The following PKN2 variants were observed in gnomAD, a reference collection of about 807,000 sequenced individuals.
PKN2 encodes protein kinase N2.
Under a neutral mutation model 119.1 loss-of-function variants are expected in PKN2, and 38 were observed. The observed-to-expected ratio is 0.32, with a 90% CI of 0.25 to 0.42. The LOEUF (loss-of-function observed/expected upper bound fraction) is 0.42, where lower values mean the gene tolerates loss of function less well. Ranked by LOEUF, PKN2 falls within the 10% of genes least tolerant of loss-of-function variation. The pLI is 1.00. For synonymous variants in PKN2, 390 were observed against 384.9 expected, an observed-to-expected ratio of 1.01 and a Z score of -0.15; for missense variants, 850 against 1,165.1, an observed-to-expected ratio of 0.73 and a Z score of 3.94.
intron 2 of PKN2, among the ~76,000 whole-genome samples, chr1:88,744,281 A>G (rs1668682965): frequency 6.6e-6 from 1 of 152,210 alleles, no homozygotes; most frequent in African/African-American, 2.4e-5. Flanking sequence ...GAGTGGATTT[A>G]TAACAGAAGT....
intron 1 of PKN2, among the ~76,000 whole-genome samples, chr1:88,718,944 T>C (rs1001692254): frequency 6.6e-6 from 1 of 152,236 alleles, no homozygotes; most frequent in Non-Finnish European, 1.5e-5. Context: ...TTTTGTTGAA[T>C]GAAACCTTCT....
chr1:88,719,970 C>T (rs1667603860), intron 1 of PKN2, among the ~76,000 whole-genome samples: 1 of 152,080 alleles, frequency 6.6e-6, no homozygotes, highest in African/African-American at 2.4e-5. Flanking sequence ...TGCCAAAATT[C>T]ACACAAGTAG....
chr1:88,827,905 T>C lies in PKN2; in HGVS notation c.2420-576T>C, dbSNP rs556904505. On this transcript the variant is annotated intron_variant, in intron 18 of 21. Transcript: ENST00000370521. ...CGGCTAATTTTTGTTTTTGTTTTTTTTGTAGAGACGGGTTTCATCATGTTG... is the reference window on the plus strand; with the variant it reads ...CGGCTAATTTTTGTTTTTGTTTTTTCTGTAGAGACGGGTTTCATCATGTTG... 1.4e-4 allele frequency among the ~76,000 whole-genome samples: 22 copies of C among 151,812 alleles called. No homozygotes were observed. The South Asian group carries it at 4.6e-3, about 32-fold the overall frequency.
chr1:88,748,868 G>C (rs1281453248), intron 2 of PKN2, among the ~76,000 whole-genome samples: 2 of 152,134 alleles, frequency 1.3e-5, no homozygotes, highest in African/African-American at 4.8e-5. Context: ...CTGAGAGTTT[G>C]AGGCTACATT....
chr1:88,804,149 A>G (rs1257488556), intron 8 of PKN2, among the ~76,000 whole-genome samples: 2 of 152,172 alleles, frequency 1.3e-5, no homozygotes, highest in Admixed American at 1.3e-4. Context: ...AGTATACTTT[A>G]GGAATACCTT....
At chr1:88,731,693 C>G (rs370233689) in intron 1 of PKN2, among the ~76,000 whole-genome samples, 1 of 152,308 alleles carries the variant, frequency 6.6e-6, no homozygotes, top group South Asian at 2.1e-4. Context: ...TTCTTGGCAT[C>G]TATCAGGTCA....
At chr1:88,694,913 A>G (rs1011810846) in intron 1 of PKN2, among the ~76,000 whole-genome samples, 8 of 152,188 alleles carry the variant, frequency 5.3e-5, no homozygotes, top group African/African-American at 1.9e-4. Context: ...CAAGGCGGGC[A>G]GATCATGAGG....
chr1:88,827,197 C>T (rs764062209), intron 18 of PKN2, among the ~76,000 whole-genome samples: 38 of 152,032 alleles, frequency 2.5e-4, no homozygotes, highest in South Asian at 6.2e-4. Flanking sequence ...AATATGTAGA[C>T]TATATATTTG....
chr1:88,816,641 G>A (rs1672007704), intron 16 of PKN2: 1 of 152,200 alleles, frequency 6.6e-6, no homozygotes, highest in Non-Finnish European at 1.5e-5. Context: ...GTATAATTAA[G>A]TAAGTATTTC....
At position 88,728,601 on chromosome 1, in the gene PKN2, T is replaced by C. The variant is rs1001499012; in HGVS notation, c.49-12387T>C. ...AGATAACCATATAACTACTGTACTTTCGTTGATAAAGTTGTTTCCCATGGG... is the reference window on the plus strand; with the variant it reads ...AGATAACCATATAACTACTGTACTTCCGTTGATAAAGTTGTTTCCCATGGG... On this transcript the variant is annotated intron_variant, in intron 1 of 21. Transcript: ENST00000370521. 3.3e-5 allele frequency among the ~76,000 whole-genome samples: 5 copies of C among 152,294 alleles called. No homozygotes were observed. In the South Asian group the frequency reaches 8.3e-4, roughly 25 times the overall value.
chr1:88,820,202 A>G (rs1421017374), intron 16 of PKN2, among the ~76,000 whole-genome samples: 1 of 79,706 alleles, frequency 1.3e-5, no homozygotes, highest in South Asian at 4.8e-4. Flanking sequence ...ATATATATAT[A>G]TATATATATA....
intron 1 of PKN2, 91 bp from the exon 2 acceptor site, chr1:88,740,897 A>G (rs769895233): frequency 4.9e-5 from 37 of 751,786 alleles, no homozygotes; most frequent in Admixed American, 8.5e-5. Flanking sequence ...AATGTAATCA[A>G]GAAAGACTCT....
intron 1 of PKN2, among the ~76,000 whole-genome samples, chr1:88,688,660 T>C (rs1304499771): frequency 6.6e-6 from 1 of 152,206 alleles, no homozygotes; most frequent in Non-Finnish European, 1.5e-5. Context: ...GTTTCTTCAT[T>C]AAGAATTACT....
At chr1:88,704,791 A>AG (rs1666910304) in intron 1 of PKN2, among the ~76,000 whole-genome samples, 1 of 147,974 alleles carries the variant, frequency 6.8e-6, no homozygotes, top group Admixed American at 6.6e-5. Flanking sequence ...AAAAAAAAAA[A>AG]AAAAAAAAAG....
intron 1 of PKN2, among the ~76,000 whole-genome samples, chr1:88,727,171 C>T (rs541894017): frequency 2.3e-4 from 34 of 148,660 alleles, no homozygotes; most frequent in Admixed American, 4.0e-4. Flanking sequence ...TTTTTAATGA[C>T]GCTCTTTTTT....
chr1:88,712,047 A>G (rs544688488), intron 1 of PKN2, among the ~76,000 whole-genome samples: 2 of 152,276 alleles, frequency 1.3e-5, no homozygotes, highest in African/African-American at 4.8e-5. Flanking sequence ...TAAGGTGAAT[A>G]AACTTTAGTG....
intron 1 of PKN2, among the ~76,000 whole-genome samples, chr1:88,689,993 AACTTTCCAAAT>A (rs1350281911): frequency 6.6e-6 from 1 of 152,254 alleles, no homozygotes; most frequent in Non-Finnish European, 1.5e-5. Flanking sequence ...CATACTAAAT[AACTTTCCAAAT>A]ATTTCTTGAC....
chr1:88,752,045 T>C (rs1371123131), intron 2 of PKN2, among the ~76,000 whole-genome samples: 3 of 152,162 alleles, frequency 2.0e-5, no homozygotes, highest in Non-Finnish European at 4.4e-5. Flanking sequence ...TTGGGATTTG[T>C]TGGGTTTCTT....
intron 1 of PKN2, among the ~76,000 whole-genome samples, chr1:88,715,538 TTC>T (rs1430194669): frequency 1.3e-5 from 2 of 152,224 alleles, no homozygotes; most frequent in African/African-American, 4.8e-5. Flanking sequence ...CTTCTAGAAT[TTC>T]TAGTTCATTT....
Sources: allele counts gnomAD v4.1 joint callset (sites outside exome capture counted in the v4.1 genomes callset), GRCh38; gene constraint gnomAD v4.1.1; transcripts MANE v1.5; gene names NCBI Gene and HGNC (gene_info 2026-07-23, HGNC 2026-07-21).